Variants in MAPK10 observed in about 807,000 individuals in gnomAD.
MAPK10 encodes mitogen-activated protein kinase 10, also known as JNK3 alpha protein kinase.
Under a neutral mutation model 59.3 loss-of-function variants are expected in MAPK10, and 25 were observed. The ratio of observed to expected loss-of-function variants is 0.42; its 90% CI spans 0.31 to 0.59. The LOEUF (loss-of-function observed/expected upper bound fraction) is 0.59. Ranked by LOEUF, MAPK10 falls within the 20% of genes least tolerant of loss-of-function variation. The pLI is 0.15. For synonymous variants in MAPK10, 190 were observed against 200.5 expected, an observed-to-expected ratio of 0.95 and a Z score of 0.44; for missense variants, 351 against 568.9, an observed-to-expected ratio of 0.62 and a Z score of 3.90.
At chr4:86,449,097 C>T (rs1487041765) in intron 1 of MAPK10, among the ~76,000 whole-genome samples, 2 of 152,166 alleles carry the variant, frequency 1.3e-5, no homozygotes, top group African/African-American at 2.4e-5. Context: ...GCACCACCCC[C>T]ACCTCACGAC....
chr4:86,511,811 AAAC>A (rs926648273), intron 1 of MAPK10, among the ~76,000 whole-genome samples: 1 of 149,574 alleles, frequency 6.7e-6, no homozygotes, highest in Non-Finnish European at 1.5e-5. Context: ...GGAAGGAAGG[AAAC>A]AAGGAAGGAA....
chr4:86,108,421 T>C (rs2056911927), intron 4 of MAPK10, among the ~76,000 whole-genome samples: 2 of 152,258 alleles, frequency 1.3e-5, no homozygotes, highest in African/African-American at 4.8e-5. Context: ...CCACTACAAC[T>C]GATCTACTAA....
chr4:86,394,839 G>A (rs768360908), intron 1 of MAPK10, among the ~76,000 whole-genome samples: 16 of 152,274 alleles, frequency 1.1e-4, no homozygotes, highest in Admixed American at 2.6e-4. Context: ...CACTATGCTC[G>A]GGGATAATGG....
At chr4:86,044,686 A>C in intron 11 of MAPK10, 1 of 397,390 alleles carries the variant, frequency 2.5e-6, no homozygotes, top group Non-Finnish European at 4.4e-6. Flanking sequence ...TGTGTCTCAT[A>C]ATCAAATGCA....
At chr4:86,309,213 T>C (rs1564223784) in intron 2 of MAPK10, among the ~76,000 whole-genome samples, 1 of 152,200 alleles carries the variant, frequency 6.6e-6, no homozygotes, top group Admixed American at 6.5e-5. Context: ...TACTGCATAA[T>C]ATATAACTGA....
chr4:86,230,533 G>C (rs2148662718), intron 2 of MAPK10, among the ~76,000 whole-genome samples: 1 of 152,256 alleles, frequency 6.6e-6, no homozygotes, highest in South Asian at 2.1e-4. Context: ...AAAAAACCAT[G>C]AGGATAAATT....
In MAPK10 at chr4:86,032,848, G is replaced by A. The variant is rs963341408; in HGVS notation, c.1111-1417C>T. ...GAAGTATTGAGAAATAACTACTCAC[G>A]GAGCCAGACATTCTTTTAGCACGTT... is the stretch of plus-strand genomic sequence containing the variant. On this transcript the variant is annotated intron_variant, in intron 11 of 13. Transcript: ENST00000641462. Among the ~76,000 whole-genome samples the A allele has an allele frequency of 1.1e-4, 16 of 152,132 alleles. No individual in the cohort carries two copies. In the South Asian group the frequency reaches 1.7e-3, roughly 16 times the overall value.
chr4:86,310,746 T>C (rs2095652262), intron 2 of MAPK10, among the ~76,000 whole-genome samples: 1 of 152,192 alleles, frequency 6.6e-6, no homozygotes, highest in Admixed American at 6.5e-5. Flanking sequence ...TATGATGGCT[T>C]GCTCTCTGTT....
chr4:86,293,156 G>T (rs1366162180), intron 2 of MAPK10, among the ~76,000 whole-genome samples: 1 of 152,092 alleles, frequency 6.6e-6, no homozygotes, highest in African/African-American at 2.4e-5. Flanking sequence ...TAAAAGTGTG[G>T]ATGTATTTGT....
intron 9 of MAPK10, among the ~76,000 whole-genome samples, chr4:86,078,589 A>ACG (rs2049984491): frequency 8.1e-6 from 1 of 123,364 alleles, no homozygotes; most frequent in South Asian, 2.3e-4. Flanking sequence ...GGAAATACAT[A>ACG]TGTATATATA....
chr4:86,334,408 G>C (rs2096224400), intron 2 of MAPK10, among the ~76,000 whole-genome samples: 1 of 152,062 alleles, frequency 6.6e-6, no homozygotes, highest in South Asian at 2.1e-4. Flanking sequence ...TTTCCACATA[G>C]CAAAGAGAGC....
Position 86,399,190 on chromosome 4 carries a change from CA to C in MAPK10, c.-121-44547del, listed in dbSNP as rs1743362585. ...TTTGAGAAATCTCTAAACCGTTTTC[CA>C]CAGTGGCTGAACTAATTTACATTCC... is the stretch of plus-strand genomic sequence containing the variant. On this transcript the variant is annotated intron_variant, in intron 1 of 13. Coordinates refer to the MAPK10 transcript ENST00000361569. Among the ~76,000 whole-genome samples, 3 of 152,280 alleles carry C rather than the reference CA, an allele frequency of 2.0e-5. No individual in the cohort carries two copies. In the South Asian group the frequency reaches 6.2e-4, roughly 32 times the overall value.
intron 11 of MAPK10, among the ~76,000 whole-genome samples, chr4:86,035,159 T>C (rs1001725655): frequency 2.0e-5 from 3 of 151,716 alleles, no homozygotes; most frequent in Non-Finnish European, 4.4e-5. Context: ...TTATTTGAAG[T>C]CAGGAGTTCA....
intron 9 of MAPK10, among the ~76,000 whole-genome samples, chr4:86,074,766 G>T (rs1354664753): frequency 7.6e-6 from 1 of 132,290 alleles, no homozygotes; most frequent in Non-Finnish European, 1.6e-5. Context: ...GAGATCCGCT[G>T]TTAGTCTGAT....
intron 4 of MAPK10, among the ~76,000 whole-genome samples, chr4:86,139,610 G>A (rs1340765932): frequency 1.3e-5 from 2 of 152,124 alleles, no homozygotes; most frequent in African/African-American, 4.8e-5. Context: ...TACCATTCAG[G>A]ACATAGGCAT....
intron 1 of MAPK10, among the ~76,000 whole-genome samples, chr4:86,526,235 A>G (rs532895009): frequency 6.6e-6 from 1 of 152,094 alleles, no homozygotes; most frequent in Admixed American, 6.5e-5. Context: ...TTTATTACTA[A>G]TTTTGGAACT....
At chr4:86,023,812 A>AATATATATATATATATATATAT (rs368982706) in intron 13 of MAPK10, 59 of 100,418 alleles carry the variant, frequency 5.9e-4, no homozygotes, top group Non-Finnish European at 8.2e-4. Context: ...AGATCAAATG[A>AATATATATATATATATATATAT]ATATATATAT....
intron 2 of MAPK10, among the ~76,000 whole-genome samples, chr4:86,202,269 G>A (rs2082800766): frequency 6.6e-6 from 1 of 151,820 alleles, no homozygotes; most frequent in African/African-American, 2.4e-5. Context: ...ATTAAACAGG[G>A]AAGTCTTCCA....
At chr4:86,211,336 G>T (rs79157412) in intron 2 of MAPK10, among the ~76,000 whole-genome samples, 12,895 of 152,050 alleles carry the variant, frequency 0.085, 1,203 homozygotes, top group African/African-American at 0.23. Context: ...CAGTGAGAAA[G>T]AAGTGATTCA....
Sources: allele counts gnomAD v4.1 joint callset (sites outside exome capture counted in the v4.1 genomes callset), GRCh38; gene constraint gnomAD v4.1.1; transcripts MANE v1.5; gene names NCBI Gene and HGNC (gene_info 2026-07-23, HGNC 2026-07-21).